The following DTD1 variants were observed in gnomAD, a reference collection of about 807,000 sequenced individuals.
DTD1 encodes D-aminoacyl-tRNA deacylase 1.
In DTD1, 13 loss-of-function variants were observed where a neutral mutation model predicts 25.6. The ratio of observed to expected loss-of-function variants is 0.51; its 90% CI spans 0.33 to 0.81. The LOEUF (loss-of-function observed/expected upper bound fraction) is 0.81. Ranked by LOEUF, DTD1 falls within the 30% of genes least tolerant of loss-of-function variation. The probability of loss-of-function intolerance (pLI) is 0.02; values close to 1 mark genes in which losing one functional copy is unlikely to be tolerated. For synonymous variants in DTD1, 110 were observed against 103.6 expected (o/e 1.06, Z -0.37); for missense variants, 193 against 266.4 (o/e 0.72, Z 1.92).
chr20:18,672,714 G>C (rs903729347), intron 4 of DTD1, among the ~76,000 whole-genome samples: 1 of 152,124 alleles, frequency 6.6e-6, no homozygotes, highest in African/African-American at 2.4e-5. Flanking sequence ...TGGATAGATA[G>C]GGGAACTCCA....
intron 5 of DTD1, among the ~76,000 whole-genome samples, chr20:18,750,834 G>A (rs1024320629): frequency 3.3e-5 from 5 of 152,160 alleles, no homozygotes; most frequent in African/African-American, 1.2e-4. Flanking sequence ...TGATTGCAGG[G>A]TCAAGTATTA....
At chr20:18,743,865 G>A (rs575607119) in intron 4 of DTD1, among the ~76,000 whole-genome samples, 107 of 152,264 alleles carry the variant, frequency 7.0e-4, no homozygotes, top group Non-Finnish European at 7.9e-4. Flanking sequence ...TTGAATTATG[G>A]TTGGGGAAAA....
At chr20:18,682,346 A>G (rs550126868) in intron 4 of DTD1, among the ~76,000 whole-genome samples, 31 of 152,354 alleles carry the variant, frequency 2.0e-4, no homozygotes, top group Non-Finnish European at 4.1e-4. Context: ...ATTGTGCTGT[A>G]AACTGTGTTC....
Position 18,656,950 on chromosome 20 carries a change from CA to C in DTD1, c.477+28724del, listed in dbSNP as rs528123569. 3.3e-5 allele frequency among the ~76,000 whole-genome samples: 5 copies of C among 152,188 alleles called. 1 individual carries two copies. In the East Asian group the frequency reaches 5.8e-4, roughly 18 times the overall value. On this transcript the variant is annotated intron_variant, in intron 4 of 5. Coordinates refer to ENST00000377452, the MANE Select transcript of DTD1 (RefSeq NM_080820.6). ...TTTAATTTTGAAATAATTTGTCATA[CA>C]AAAAAAGTTGCAAAAATAGGATGCA...
rs546941101 is a variant in DTD1, at chr20:18,738,497, G to A, written c.478-5603G>A. On this transcript the variant is annotated intron_variant, in intron 4 of 5. Coordinates refer to ENST00000377452, the MANE Select transcript of DTD1 (RefSeq NM_080820.6). ...CTGCCGGGGCTCTCCAGAGACTTCT[G>A]TGCACCTCTGGATGTCCCCTCCTCG... Among the ~76,000 whole-genome samples the A allele has an allele frequency of 4.8e-4, 73 of 152,342 alleles. No homozygotes were observed. In the Middle Eastern group the frequency reaches 0.014, roughly 28 times the overall value.
At chr20:18,612,185 C>A (rs906471514) in intron 3 of DTD1, among the ~76,000 whole-genome samples, 1 of 151,650 alleles carries the variant, frequency 6.6e-6, no homozygotes, top group African/African-American at 2.4e-5. Context: ...CAGGTGCCCG[C>A]CACTACGCCC....
intron 4 of DTD1, among the ~76,000 whole-genome samples, chr20:18,658,116 GTATT>G (rs907556547): frequency 5.9e-5 from 9 of 151,838 alleles, no homozygotes; most frequent in Non-Finnish European, 1.3e-4. Context: ...TCTATAAAAA[GTATT>G]TATTAAGCCC....
chr20:18,751,816 G>A (rs2061322281), intron 5 of DTD1, among the ~76,000 whole-genome samples: 1 of 150,796 alleles, frequency 6.6e-6, no homozygotes, highest in South Asian at 2.1e-4. Context: ...GGATAATTTT[G>A]CTGGTATAGA....
At chr20:18,607,310 G>C (rs1181512814) in intron 3 of DTD1, among the ~76,000 whole-genome samples, 1 of 151,942 alleles carries the variant, frequency 6.6e-6, no homozygotes, top group Non-Finnish European at 1.5e-5. Context: ...CCAGGTGTGT[G>C]CCACCACACC....
chr20:18,592,770 C>T (rs1182829019), intron 1 of DTD1, among the ~76,000 whole-genome samples: 2 of 151,178 alleles, frequency 1.3e-5, no homozygotes, highest in African/African-American at 4.9e-5. Context: ...GCAATCTCCA[C>T]CTTCTGGGTT....
In DTD1 at chr20:18,765,938, C is replaced by CA. The variant is rs2061377685; in HGVS notation, c.*2599dup. 6.6e-6 allele frequency: 1 copy of CA among 152,208 alleles called. No individual in the cohort carries two copies. Among genetic ancestry groups the CA allele is most frequent in the African/African-American group, 2.4e-5 (1 of 41,440 alleles). The allele number at this position is 152,208 out of a possible 1,614,324, so 9.4% of individuals were successfully genotyped here. ...CAGATCACAGACCCAGGACTTTAAA[C>CA]AGAGTGCTGTGCCGATAACACTGCA... On this transcript the variant is annotated 3_prime_UTR_variant, in exon 6 of 6. Coordinates refer to ENST00000377452, the MANE Select transcript of DTD1 (RefSeq NM_080820.6).
At chr20:18,682,661 T>C (rs542008852) in intron 4 of DTD1, among the ~76,000 whole-genome samples, 26 of 152,244 alleles carry the variant, frequency 1.7e-4, no homozygotes, top group African/African-American at 6.3e-4. Flanking sequence ...AAGAGGAAAA[T>C]GTTGACAGTC....
At chr20:18,684,567 G>A (rs2061009563) in intron 4 of DTD1, among the ~76,000 whole-genome samples, 1 of 152,114 alleles carries the variant, frequency 6.6e-6, no homozygotes. Flanking sequence ...GATTACAGGT[G>A]TGAGCCCCCA....
chr20:18,753,563 G>A (rs1238972467), intron 5 of DTD1, among the ~76,000 whole-genome samples: 3 of 127,676 alleles, frequency 2.3e-5, no homozygotes, highest in African/African-American at 6.1e-5. Flanking sequence ...AACTGAGATC[G>A]CGCCACTGCA....
chr20:18,622,146 C>T (rs1430320193), intron 3 of DTD1, among the ~76,000 whole-genome samples: 2 of 152,104 alleles, frequency 1.3e-5, no homozygotes, highest in African/African-American at 2.4e-5. Flanking sequence ...ATACATGTGC[C>T]ATGGTGTTTG....
At position 18,643,077 on chromosome 20, in the gene DTD1, G is replaced by A. The variant is rs146373680; in HGVS notation, c.477+14844G>A. On this transcript the variant is annotated intron_variant, in intron 4 of 5. Coordinates refer to ENST00000377452, the MANE Select transcript of DTD1 (RefSeq NM_080820.6). ...ATTGCAGGCATGTGCCACCATGCCC[G>A]GCTAATTTTGTATTTTTAGTAGAGA... The A allele has an allele frequency of 6.5e-3, 1,063 of 164,220 alleles. 10 individuals are homozygous for A. Among genetic ancestry groups the A allele is most frequent in the South Asian group, 0.034 (226 of 6,724 alleles). 10.2% of individuals were successfully genotyped at this position (164,220 alleles called of 1,614,324 possible).
chr20:18,714,283 C>A (rs902608519), intron 4 of DTD1, among the ~76,000 whole-genome samples: 4 of 152,044 alleles, frequency 2.6e-5, no homozygotes. Context: ...TTTCCCATTC[C>A]CAACCACTTG....
At chr20:18,683,678 A>G (rs1328471191) in intron 4 of DTD1, among the ~76,000 whole-genome samples, 2 of 152,174 alleles carry the variant, frequency 1.3e-5, no homozygotes. Context: ...TTTGCAATTC[A>G]AAGATAGCCT....
rs76631935 is a variant in DTD1, at chr20:18,622,610, A to G, written c.371-5517A>G. 3.5e-3 allele frequency among the ~76,000 whole-genome samples: 531 copies of G among 152,276 alleles called. 1 individual carries two copies. Among genetic ancestry groups the G allele is most frequent in the African/African-American group, 0.012 (489 of 41,558 alleles). On this transcript the variant is annotated intron_variant, in intron 3 of 5. Transcript: ENST00000377452. ...ATAAATGCCTGCAAGAAATTTCCCA[A>G]GTGTTGTTAGTGTAGAATTTTTGCA...
Sources: allele counts gnomAD v4.1 joint callset (sites outside exome capture counted in the v4.1 genomes callset), GRCh38; gene constraint gnomAD v4.1.1; transcripts MANE v1.5; gene names NCBI Gene and HGNC (gene_info 2026-07-23, HGNC 2026-07-21).